ZNF254: variants seen among roughly 807,000 people sequenced by gnomAD.
The protein encoded by ZNF254 is CTD-2017D11.1.
ZNF254 carries 10 observed loss-of-function variants against 12.4 expected under a neutral mutation model. The ratio of observed to expected loss-of-function variants is 0.80; its 90% CI spans 0.50 to 1.36. ZNF254 has a LOEUF of 1.36. Ranked by LOEUF, ZNF254 falls within the 40% of genes most tolerant of loss-of-function variation. The pLI is 0.00. For missense variants in ZNF254, 996 were observed against 763.9 expected (o/e 1.30, Z -3.58); for synonymous variants, 305 against 253.4 (o/e 1.20, Z -1.93).
intron 2 of ZNF254, among the ~76,000 whole-genome samples, chr19:24,075,798 G>A (rs7248311): frequency 0.15 from 22,922 of 152,194 alleles, 2,823 homozygotes; most frequent in African/African-American, 0.34. Flanking sequence ...AGACCAGGGT[G>A]TATTTTATCC....
At chr19:24,035,445 G>A (rs1034459099) in intron 1 of ZNF254, among the ~76,000 whole-genome samples, 1 of 152,156 alleles carries the variant, frequency 6.6e-6, no homozygotes, top group Admixed American at 6.5e-5. Context: ...TTATAGGCAT[G>A]AGCCACCACA....
chr19:24,052,436 CT>C (rs1479173202), intron 2 of ZNF254, among the ~76,000 whole-genome samples: 2 of 152,206 alleles, frequency 1.3e-5, no homozygotes, highest in African/African-American at 2.4e-5. Context: ...CATAAGTGAC[CT>C]TGTGACATAT....
chr19:24,076,545 A>G (rs971000339), intron 2 of ZNF254, among the ~76,000 whole-genome samples: 26 of 152,182 alleles, frequency 1.7e-4, no homozygotes, highest in African/African-American at 6.3e-4. Flanking sequence ...GCAGCCCAGT[A>G]GGTCTCAGCC....
chr19:24,126,657 T>A lies in ZNF254; in HGVS notation c.657T>A (p.Phe219Leu). 1 of 1,612,290 alleles carries A rather than the reference T, an allele frequency of 6.2e-7. No individual in the cohort carries two copies. The highest frequency in any genetic ancestry group is 8.5e-7 in the Non-Finnish European group (1 of 1,179,524). The change falls in exon 4 of 4, where the codon TTT (phenylalanine) becomes TTA (leucine). Residue 219 changes from phenylalanine to leucine, a missense_variant. Coordinates refer to ENST00000357002, the MANE Select transcript of ZNF254 (RefSeq NM_203282.4). The part of the protein sequence containing the change: ...SYKCKECGKT[F>L]NWSSTLTNHR... Reference sequence around the variant, plus strand: ...AATGTAAAGAATGTGGAAAAACCTTTAATTGGTCCTCAACCCTTACTAATC... The same window carrying A: ...AATGTAAAGAATGTGGAAAAACCTTAAATTGGTCCTCAACCCTTACTAATC...
intron 2 of ZNF254, among the ~76,000 whole-genome samples, chr19:24,068,310 T>G (rs1161458276): frequency 6.6e-6 from 1 of 152,092 alleles, no homozygotes; most frequent in Non-Finnish European, 1.5e-5. Flanking sequence ...CTAGCCTTTT[T>G]TTTTTTTTGA....
chr19:24,087,080 T>A, upstream of ZNF254: 1 of 509,102 alleles, frequency 2.0e-6, no homozygotes, highest in South Asian at 1.9e-5. Flanking sequence ...ACTCAGGGTC[T>A]GAGTAGGCGG....
intron 2 of ZNF254, among the ~76,000 whole-genome samples, chr19:24,071,248 G>T (rs1019916573): frequency 6.6e-6 from 1 of 152,102 alleles, no homozygotes; most frequent in Admixed American, 6.6e-5. Flanking sequence ...CTCCTTCCTG[G>T]GCCCTGACCA....
In ZNF254 at chr19:24,128,130, A is replaced by T. The variant is rs1975028938; in HGVS notation, c.*150A>T. 8.3e-6 allele frequency: 6 copies of T among 727,050 alleles called. No homozygotes were observed. Among genetic ancestry groups the T allele is most frequent in the Non-Finnish European group, 1.2e-5 (6 of 496,820 alleles). 45.0% of individuals were successfully genotyped at this position (727,050 alleles called of 1,614,324 possible). A position where few individuals can be genotyped will look rare whatever the true frequency, so the allele number is the denominator to read the frequency against. On this transcript the variant is annotated 3_prime_UTR_variant, in exon 4 of 4. Transcript: ENST00000357002. Reference sequence around the variant, plus strand: ...AATCATTCTGCTGAAAAATCCTAGAAATGTGAAGAATGTGAAAAAGCCTTT... The same window carrying T: ...AATCATTCTGCTGAAAAATCCTAGATATGTGAAGAATGTGAAAAAGCCTTT...
intron 2 of ZNF254, among the ~76,000 whole-genome samples, chr19:24,049,784 T>G (rs1316571268): frequency 6.6e-6 from 1 of 152,136 alleles, no homozygotes; most frequent in Non-Finnish European, 1.5e-5. Flanking sequence ...GTAACTCTAC[T>G]GCTTAGGCCC....
intron 1 of ZNF254, among the ~76,000 whole-genome samples, chr19:24,033,899 C>T (rs1353892603): frequency 6.6e-6 from 1 of 152,336 alleles, no homozygotes; most frequent in African/African-American, 2.4e-5. Context: ...ATCATCAGGG[C>T]GGAATCCTGA....
chr19:24,040,905 A>AT (rs1163711522), intron 1 of ZNF254, among the ~76,000 whole-genome samples: 1 of 152,246 alleles, frequency 6.6e-6, no homozygotes, highest in African/African-American at 2.4e-5. Flanking sequence ...TCTGTGTGCT[A>AT]TACTTTCTCT....
chr19:24,112,769 T>C (rs527654878), intron 3 of ZNF254, among the ~76,000 whole-genome samples: 1 of 152,178 alleles, frequency 6.6e-6, no homozygotes, highest in South Asian at 2.1e-4. Flanking sequence ...TCAACAAAAT[T>C]GATAGACCAC....
In ZNF254 at chr19:24,106,054, C is replaced by T. The variant is rs757634579; in HGVS notation, c.145C>T (p.Leu49=). The T allele has an allele frequency of 1.9e-6, 3 of 1,592,340 alleles. No homozygotes were observed. The Admixed American group carries it at 5.1e-5, about 27-fold the overall frequency. ...RNVMLENYRN[L]AFLGIAVSKP... ...TGTGATGTTAGAGAACTACAGAAAC[C>T]TGGCCTTCCTGGGTGAGGATAACTT... The change falls in exon 2 of 4, where the codon CTG becomes TTG. Residue 49 remains leucine (L), a synonymous_variant. Transcript: ENST00000357002.
intron 3 of ZNF254, among the ~76,000 whole-genome samples, chr19:24,121,620 C>T (rs577254617): frequency 8.5e-5 from 13 of 152,130 alleles, no homozygotes; most frequent in South Asian, 2.1e-4. Flanking sequence ...TGCAGTGGCA[C>T]GATCTTGGCT....
At position 24,126,772 on chromosome 19, in the gene ZNF254, A is replaced by G. The variant is rs1422763904; in HGVS notation, c.772A>G (p.Ile258Val). 6.2e-7 allele frequency: 1 copy of G among 1,613,244 alleles called. No homozygotes were observed. Among genetic ancestry groups the G allele is most frequent in the South Asian group, 1.1e-5 (1 of 90,992 alleles). ...ACTCTCAACCCTTACTACACATGAA[A>G]TAATTCATGCTGGAGAGAAACTCTA... ...KQLSTLTTHE[I>V]IHAGEKLYKC... The change falls in exon 4 of 4, where the codon ATA (isoleucine) becomes GTA (valine). Residue 258 changes from isoleucine to valine, a missense_variant. Ile to Val is a conservative substitution (Grantham distance 29, BLOSUM62 3). Coordinates refer to ENST00000357002, the MANE Select transcript of ZNF254 (RefSeq NM_203282.4).
intron 2 of ZNF254, 155 bp from the exon 3 acceptor site, chr19:24,106,393 A>G (rs1973342592): frequency 3.3e-6 from 2 of 601,754 alleles, no homozygotes; most frequent in Non-Finnish European, 4.9e-6. Flanking sequence ...AAAAAATTAA[A>G]ATATTTCCTA....
intron 1 of ZNF254, among the ~76,000 whole-genome samples, chr19:24,088,525 A>G (rs1972167948): frequency 6.6e-6 from 1 of 152,150 alleles, no homozygotes; most frequent in Non-Finnish European, 1.5e-5. Context: ...TCTGGCTTGC[A>G]GGAAAATACT....
chr19:24,093,340 T>G (rs1972502268), intron 1 of ZNF254, among the ~76,000 whole-genome samples: 2 of 152,192 alleles, frequency 1.3e-5, no homozygotes, highest in Admixed American at 1.3e-4. Context: ...AGTTGCTTTT[T>G]GTATCTTCAA....
chr19:24,066,744 A>T (rs571157094), intron 2 of ZNF254: 1 of 151,830 alleles, frequency 6.6e-6, no homozygotes, highest in East Asian at 1.9e-4. Flanking sequence ...AAATAAAACC[A>T]CAAAAATCAG....
Sources: allele counts gnomAD v4.1 joint callset (sites outside exome capture counted in the v4.1 genomes callset), GRCh38; gene constraint gnomAD v4.1.1; transcripts MANE v1.5; gene names NCBI Gene and HGNC (gene_info 2026-07-23, HGNC 2026-07-21).